Variants in POMGNT1 observed in about 807,000 individuals in gnomAD.
POMGNT1 encodes the protein protein O-linked mannose N-acetylglucosaminyltransferase 1 (beta 1,2-), also known as protein O-linked-mannose beta-1,2-N-acetylglucosaminyltransferase 1.
POMGNT1 carries 67 observed loss-of-function variants against 95.6 expected under a neutral mutation model. The ratio of observed to expected loss-of-function variants is 0.70; its 90% CI spans 0.58 to 0.86. The LOEUF is 0.86. Ranked by LOEUF, POMGNT1 falls within the 40% of genes least tolerant of loss-of-function variation. The pLI is 0.00. For synonymous variants in POMGNT1, 298 were observed against 317.9 expected (o/e 0.94, Z 0.66); for missense variants, 719 against 855.2 (o/e 0.84, Z 1.99).
chr1:46,195,880 A>G lies in POMGNT1; in HGVS notation c.465T>C (p.His155=). 1 of 1,613,580 alleles carries G rather than the reference A, an allele frequency of 6.2e-7. No individual in the cohort carries two copies. The highest frequency in any genetic ancestry group is 8.5e-7 in the Non-Finnish European group (1 of 1,179,774). The change falls in exon 6 of 22, where the codon CAT becomes CAC. Residue 155 remains histidine (H), a synonymous_variant. Transcript: ENST00000371984. ...GGAATAGCACCATGGCCTCATCCTC[A>G]TGAGGTGAGTACGTGTCAAACACAC... ...AKRVFDTYSP[H]EDEAMVLFLN...
In POMGNT1 at chr1:46,209,766, C is replaced by G. The variant is rs191902911; in HGVS notation, c.-51+9939G>C. ...CCTCGGGTAATCCACTTGCCTCAGCCTCCCAAAGTGCTGGGATTACAAGCA... is the reference window on the plus strand; with the variant it reads ...CCTCGGGTAATCCACTTGCCTCAGCGTCCCAAAGTGCTGGGATTACAAGCA... On this transcript the variant is annotated intron_variant, in intron 1 of 22. Transcript: ENST00000371992. Among the ~76,000 whole-genome samples the G allele has an allele frequency of 3.9e-5, 6 of 152,162 alleles. No individual in the cohort carries two copies. The East Asian group carries it at 1.2e-3, about 29-fold the overall frequency.
At chr1:46,209,811 G>A (rs1030616419) in intron 1 of POMGNT1, among the ~76,000 whole-genome samples, 3 of 151,932 alleles carry the variant, frequency 2.0e-5, no homozygotes, top group South Asian at 4.2e-4. Context: ...ATGCACGGCT[G>A]TAGATGTAAA....
At chr1:46,192,712 C>T in intron 14 of POMGNT1, 122 bp from the exon 15 acceptor site, 1 of 1,597,786 alleles carries the variant, frequency 6.3e-7, no homozygotes, top group Non-Finnish European at 8.5e-7. Context: ...CTCCTTCCCC[C>T]AAATCCCCAC....
At chr1:46,209,815 A>G (rs2148242239) in intron 1 of POMGNT1, among the ~76,000 whole-genome samples, 1 of 152,074 alleles carries the variant, frequency 6.6e-6, no homozygotes, top group South Asian at 2.1e-4. Flanking sequence ...ACGGCTGTAG[A>G]TGTAAATTTT....
At chr1:46,203,752 C>T in intron 1 of POMGNT1, 1 of 847,856 alleles carries the variant, frequency 1.2e-6, no homozygotes, top group African/African-American at 1.8e-5. Context: ...CTCAGAATCC[C>T]TCCCAGATCA....
At chr1:46,219,601 G>A in intron 1 of POMGNT1, 1 of 1,328,018 alleles carries the variant, frequency 7.5e-7, no homozygotes, top group African/African-American at 1.5e-5. Flanking sequence ...GTCTTAAAGT[G>A]AAACATGGTT....
At chr1:46,214,288 G>A (rs1289506020) in intron 1 of POMGNT1, among the ~76,000 whole-genome samples, 1 of 151,702 alleles carries the variant, frequency 6.6e-6, no homozygotes, top group African/African-American at 2.4e-5. Context: ...AGAGGTTGCA[G>A]TGAGCCGAGA....
At chr1:46,206,184 C>A (rs1658708862) in intron 1 of POMGNT1, among the ~76,000 whole-genome samples, 1 of 152,218 alleles carries the variant, frequency 6.6e-6, no homozygotes, top group Admixed American at 6.6e-5. Flanking sequence ...TGCACGGGTT[C>A]AAGTCTTGGC....
chr1:46,212,571 G>A (rs543786750), intron 1 of POMGNT1, among the ~76,000 whole-genome samples: 2 of 151,588 alleles, frequency 1.3e-5, no homozygotes, highest in East Asian at 2.0e-4. Flanking sequence ...GTGAGCCACT[G>A]CACCCGGCCA....
rs149668511 is a variant in POMGNT1 at position 46,212,336 on chromosome 1, A to G, written c.-51+7369T>C. On this transcript the variant is annotated intron_variant, in intron 1 of 22. Transcript: ENST00000371992. ...TGCTATGTCATCCAGGCTGGAGTGC[A>G]GTGGCGCGATCTCAGCTCACTGCAA... Among the ~76,000 whole-genome samples the G allele has an allele frequency of 6.0e-3, 908 of 150,402 alleles. 12 individuals carry two copies. Among genetic ancestry groups the G allele is most frequent in the African/African-American group, 0.021 (840 of 40,746 alleles).
rs1303140964 is a variant in POMGNT1, at chr1:46,196,984, G to A, written c.221C>T (p.Pro74Leu). Residue 74 changes from proline (P) to leucine (L), a missense_variant, in exon 3 of 22, where the codon CCA becomes CTA. By Grantham distance (98) the Pro-to-Leu change is moderately conservative (BLOSUM62 -3). Transcript: ENST00000371984. The surrounding 1 kb of genome is among the most constrained non-coding windows in gnomAD (Gnocchi z 4.4). Reference sequence around the variant, plus strand: ...CCTAGCCCTACCATAGTCTTGCTCTGGCTCTGGGTCTTCATTGGCTTCACT... The same window carrying A: ...CCTAGCCCTACCATAGTCTTGCTCTAGCTCTGGGTCTTCATTGGCTTCACT... ...AISEANEDPE[P>L]EQDYDEALGR... The A allele has an allele frequency of 6.2e-7, 1 of 1,614,220 alleles. No homozygotes were observed. Among genetic ancestry groups the A allele is most frequent in the Non-Finnish European group, 8.5e-7 (1 of 1,180,038 alleles).
In POMGNT1 at chr1:46,192,223, G is replaced by C; in HGVS notation, c.1414C>G (p.Leu472Val). 1 of 1,614,212 alleles carries C rather than the reference G, an allele frequency of 6.2e-7. No homozygotes were observed. Among genetic ancestry groups the C allele is most frequent in the Non-Finnish European group, 8.5e-7 (1 of 1,180,044 alleles). ...CGCATCCACATGTCCCAATCCCAGA[G>C]CTGGCAGACATGGACCACGATGAAG... ...LEPKWPTPEK[L>V]WDWDMWMRMP... The change falls in exon 17 of 22, where the codon CTC (leucine) becomes GTC (valine). Residue 472 changes from leucine to valine, a missense_variant and splice_region_variant. This residue lies in a region of POMGNT1 where 118 missense variants were observed against 153.6 expected (regional missense o/e 0.77). Transcript: ENST00000371984.
In POMGNT1 at chr1:46,198,419, T is replaced by C. The variant is rs557537432; in HGVS notation, c.-134A>G. The C allele has an allele frequency of 3.3e-5, 5 of 150,814 alleles. No individual in the cohort carries two copies. Among genetic ancestry groups the C allele is most frequent in the Non-Finnish European group, 7.4e-5 (5 of 67,322 alleles). 9.3% of individuals were successfully genotyped at this position (150,814 alleles called of 1,614,324 possible). Reference sequence around the variant, plus strand: ...CTCGCCGCGGCCTCCGCCTCCTCCATGCCGCTTGCGGCCCCGCCCCGGCCT... The same window carrying C: ...CTCGCCGCGGCCTCCGCCTCCTCCACGCCGCTTGCGGCCCCGCCCCGGCCT... On this transcript the variant is annotated 5_prime_UTR_variant, in exon 1 of 22. It removes an upstream start codon present in the reference 5' UTR. Transcript: ENST00000371984.
chr1:46,208,954 A>G (rs1489411098), intron 1 of POMGNT1, among the ~76,000 whole-genome samples: 3 of 152,372 alleles, frequency 2.0e-5, no homozygotes, highest in Middle Eastern at 3.4e-3. Context: ...TTCAGAAGGA[A>G]GAGTGGTAAC....
At chr1:46,190,664 G>A (rs1657693857) in intron 18 of POMGNT1, 56 bp downstream of exon 18, 2 of 1,557,446 alleles carry the variant, frequency 1.3e-6, no homozygotes, top group Non-Finnish European at 1.8e-6. Context: ...GGACTTTCAG[G>A]GACTGGCCTC....
intron 1 of POMGNT1, among the ~76,000 whole-genome samples, chr1:46,210,235 T>C (rs1658851553): frequency 6.6e-6 from 1 of 152,194 alleles, no homozygotes; most frequent in Non-Finnish European, 1.5e-5. Flanking sequence ...TTTTCTATGC[T>C]TTTGCCATAG....
In POMGNT1 at chr1:46,192,546, A is replaced by G; in HGVS notation, c.1256T>C (p.Leu419Pro). The change falls in exon 15 of 22, where the codon CTG becomes CCG. Residue 419 changes from leucine (L) to proline (P), a missense_variant. Transcript: ENST00000371984. ...GTCATTCCAGGCAGAGATGCAGTAC[A>G]GGCTGTCATCCTCCTCCAGTAGGTG... Reference protein sequence around the residue: ...SIHLLEEDDSLYCISAWNDQG... With the variant: ...SIHLLEEDDSPYCISAWNDQG... 1 of 1,614,184 alleles carries G rather than the reference A, an allele frequency of 6.2e-7. No homozygotes were observed. The highest frequency in any genetic ancestry group is 8.5e-7 in the Non-Finnish European group (1 of 1,180,032).
intron 1 of POMGNT1, among the ~76,000 whole-genome samples, chr1:46,215,656 T>C (rs1237649121): frequency 6.6e-6 from 1 of 152,230 alleles, no homozygotes; most frequent in Non-Finnish European, 1.5e-5. Context: ...CCCAGCACTC[T>C]GGGAGGCCAA....
Position 46,195,835 on chromosome 1 carries a change from G to A in POMGNT1, c.510C>T (p.Gly170=). 1 of 1,603,610 alleles carries A rather than the reference G, an allele frequency of 6.2e-7. No individual in the cohort carries two copies. Among genetic ancestry groups the A allele is most frequent in the South Asian group, 1.1e-5 (1 of 89,662 alleles). ...CCTTGACAGTGCAGATGAGCACTCG[G>A]CCGGGCGCTACCATGTTGAGGAATA... The part of the protein sequence containing the change: ...MVLFLNMVAP[G]RVLICTVKDE... Residue 170 remains glycine, a synonymous_variant, in exon 6 of 22, where the codon GGC becomes GGT. Coordinates refer to ENST00000371984, the MANE Select transcript of POMGNT1 (RefSeq NM_017739.4).
Sources: gnomAD v4.1 joint callset for allele counts (sites outside exome capture counted in the v4.1 genomes callset) on GRCh38, gnomAD v4.1.1 for gene constraint, gnomAD v4.1.1 regional missense constraint, Gnocchi (gnomAD v3.1) non-coding constraint, MANE v1.5 for transcripts, NCBI Gene and HGNC (gene_info 2026-07-23, HGNC 2026-07-21) for gene names.